Variants in KRIT1 observed in about 807,000 individuals in gnomAD.
KRIT1 encodes the protein krev interaction trapped protein 1.
In KRIT1, 45 loss-of-function variants were observed where a neutral mutation model predicts 95.8. The observed-to-expected ratio is 0.47, with a 90% CI of 0.37 to 0.60. The LOEUF (loss-of-function observed/expected upper bound fraction) is 0.60, where lower values mean the gene tolerates loss of function less well. Ranked by LOEUF, KRIT1 falls within the 20% of genes least tolerant of loss-of-function variation. KRIT1 has a pLI of 0.00. For synonymous variants in KRIT1, 282 were observed against 278.8 expected (o/e 1.01, Z -0.11); for missense variants, 788 against 877.5 (o/e 0.90, Z 1.29).
At position 92,221,993 on chromosome 7, in the gene KRIT1, A is replaced by G; in HGVS notation, c.1472T>C (p.Leu491Pro). Residue 491 changes from leucine (L) to proline (P), a missense_variant, in exon 14 of 19, where the codon CTT (leucine) becomes CCT (proline). Around this residue, in one of 3 missense-constraint regions of KRIT1, gnomAD observed 493 missense variants for 582.3 expected, o/e 0.85. Transcript: ENST00000394505. ...LQHVRDWPEI[L>P]AELTNLDPQR... is the part of the protein sequence containing the mutation. ...AGGATCCAGATTAGTCAATTCAGCA[A>G]GTATTTCTGGCCAGTCACGAACATG... is the stretch of plus-strand genomic sequence containing the variant. 1 of 1,613,640 alleles carries G rather than the reference A, an allele frequency of 6.2e-7. No individual in the cohort carries two copies. Among genetic ancestry groups the G allele is most frequent in the Non-Finnish European group, 8.5e-7 (1 of 1,179,572 alleles).
intron 10 of KRIT1, among the ~76,000 whole-genome samples, chr7:92,232,515 GAAAA>G (rs202080349): frequency 7.7e-6 from 1 of 129,558 alleles, no homozygotes; most frequent in Non-Finnish European, 1.7e-5. Flanking sequence ...ATTAGAGGGG[GAAAA>G]AAAAAAAAAC....
Position 92,234,399 on chromosome 7 carries a change from A to G in KRIT1, c.989+50T>C, listed in dbSNP as rs373251781. The G allele has an allele frequency of 2.4e-4, 318 of 1,340,382 alleles. 6 individuals are homozygous for G. The highest frequency in any genetic ancestry group is 2.5e-4 in the Non-Finnish European group (235 of 938,776). The allele number at this position is 1,340,382 out of a possible 1,614,324, so 83.0% of individuals were successfully genotyped here. On this transcript the variant is annotated intron_variant, in intron 10 of 18. Coordinates refer to ENST00000394505, the MANE Select transcript of KRIT1 (RefSeq NM_194454.3). Reference sequence around the variant, plus strand: ...CTTGAAAAGAAGGACTAACATTTATAATAAAAAATGTATTCTTTCTAAAAA... The same window carrying G: ...CTTGAAAAGAAGGACTAACATTTATGATAAAAAATGTATTCTTTCTAAAAA...
intron 17 of KRIT1, among the ~76,000 whole-genome samples, chr7:92,208,303 A>C (rs1203397107): frequency 6.6e-6 from 1 of 152,036 alleles, no homozygotes; most frequent in East Asian, 1.9e-4. Flanking sequence ...TAGAAAAGCA[A>C]GAAAAAACCA....
intron 12 of KRIT1, among the ~76,000 whole-genome samples, chr7:92,224,582 G>A (rs760018680): frequency 4.6e-5 from 7 of 152,000 alleles, no homozygotes; most frequent in Non-Finnish European, 7.4e-5. Context: ...ACTAATTTGA[G>A]CTTTATGCCT....
intron 2 of KRIT1, 143 bp from the exon 3 acceptor site, chr7:92,244,292 T>A (rs577883994): frequency 6.6e-6 from 1 of 152,262 alleles, no homozygotes; most frequent in African/African-American, 2.4e-5. Flanking sequence ...TTAAAGCAAA[T>A]CAATTCCTGT....
intron 6 of KRIT1, among the ~76,000 whole-genome samples, chr7:92,236,921 G>T (rs1255596752): frequency 6.6e-6 from 1 of 152,160 alleles, no homozygotes; most frequent in African/African-American, 2.4e-5. Flanking sequence ...GTAGCAGCAG[G>T]CTGATGGGAT....
At chr7:92,237,604 T>C in intron 6 of KRIT1, 63 bp downstream of exon 6, 2 of 898,236 alleles carry the variant, frequency 2.2e-6, no homozygotes, top group Non-Finnish European at 1.8e-6. Context: ...CTTAACTTCC[T>C]CAATAGACCT....
intron 7 of KRIT1, 61 bp downstream of exon 7, chr7:92,236,352 T>C (rs546259649): frequency 5.2e-6 from 6 of 1,146,094 alleles, no homozygotes; most frequent in Non-Finnish European, 7.9e-6. Context: ...CTATGACAAC[T>C]AATTTCTACT....
intron 15 of KRIT1, among the ~76,000 whole-genome samples, chr7:92,214,241 A>G (rs1793472190): frequency 6.6e-6 from 1 of 152,132 alleles, no homozygotes; most frequent in Non-Finnish European, 1.5e-5. Context: ...AGATATGCTT[A>G]AAACCTCAGT....
chr7:92,200,465 C>A lies in KRIT1; in HGVS notation c.*271G>T. 1 of 410,494 alleles carries A rather than the reference C, an allele frequency of 2.4e-6. No homozygotes were observed. Among genetic ancestry groups the A allele is most frequent in the Non-Finnish European group, 4.6e-6 (1 of 219,242 alleles). 25.4% of individuals were successfully genotyped at this position (410,494 alleles called of 1,614,324 possible). A position where few individuals can be genotyped will look rare whatever the true frequency, so the allele number is the denominator to read the frequency against. ...CACCTCCTGGGTTTAAGCGATCTCC[C>A]ACCTTGGCCTCCCTAGTAGCTAGGA... On this transcript the variant is annotated 3_prime_UTR_variant, in exon 19 of 19. Transcript: ENST00000394505.
At chr7:92,227,684 G>A (rs1247248582) in intron 10 of KRIT1, among the ~76,000 whole-genome samples, 1 of 150,286 alleles carries the variant, frequency 6.7e-6, no homozygotes. Flanking sequence ...ACAGGCATGC[G>A]CCACCACGCC....
intron 15 of KRIT1, 94 bp downstream of exon 15, chr7:92,214,517 A>G (rs903279687): frequency 2.3e-6 from 2 of 884,364 alleles, no homozygotes; most frequent in African/African-American, 3.4e-5. Context: ...AACCAATGTA[A>G]TGTATAAATA....
chr7:92,234,448 C>A lies in KRIT1; in HGVS notation c.989+1G>T. ...AAGAAAAGAATAAATATTCCATTTA[C>A]CAGCATGCATAATGAATGGGTGCCC... On this transcript the variant is annotated splice_donor_variant, in intron 10 of 18. Transcript: ENST00000394505. LOFTEE classifies it high-confidence loss of function. The A allele has an allele frequency of 6.3e-7, 1 of 1,594,298 alleles. No individual in the cohort carries two copies. Among genetic ancestry groups the A allele is most frequent in the Non-Finnish European group, 8.6e-7 (1 of 1,161,992 alleles).
chr7:92,226,493 A>C (rs1318222096), intron 11 of KRIT1, 33 bp downstream of exon 11: 41 of 1,526,126 alleles, frequency 2.7e-5, no homozygotes, highest in Non-Finnish European at 3.7e-5. Flanking sequence ...CACTGCTTGA[A>C]TATTATTTTT....
chr7:92,245,961 T>G (rs949650781), upstream of KRIT1: 1 of 241,812 alleles, frequency 4.1e-6, no homozygotes, highest in South Asian at 4.2e-5. Flanking sequence ...CGGTTGGCGG[T>G]GAAAGAGCTT....
chr7:92,244,350 C>G (rs1192145958), intron 2 of KRIT1, among the ~76,000 whole-genome samples: 2 of 152,184 alleles, frequency 1.3e-5, no homozygotes, highest in African/African-American at 4.8e-5. Context: ...AGTACTTTGT[C>G]AATACTCATC....
chr7:92,203,422 T>C (rs1029322097), intron 17 of KRIT1, among the ~76,000 whole-genome samples: 40 of 152,226 alleles, frequency 2.6e-4, no homozygotes, highest in African/African-American at 9.2e-4. Flanking sequence ...ACTAGATGGA[T>C]AGAAAATACC....
chr7:92,209,005 G>A (rs1369253108), intron 17 of KRIT1, among the ~76,000 whole-genome samples: 1 of 152,026 alleles, frequency 6.6e-6, no homozygotes, highest in Non-Finnish European at 1.5e-5. Flanking sequence ...ATGATCAAAT[G>A]GGATTTATGC....
intron 6 of KRIT1, 150 bp from the exon 7 acceptor site, chr7:92,236,692 T>C: frequency 6.5e-6 from 4 of 619,396 alleles, no homozygotes; most frequent in Non-Finnish European, 1.1e-5. Context: ...ATTCAAGTGA[T>C]GACTAGCTCT....
Sources: allele counts gnomAD v4.1 joint callset (sites outside exome capture counted in the v4.1 genomes callset), GRCh38; gene constraint gnomAD v4.1.1; regional missense constraint gnomAD v4.1.1; transcripts MANE v1.5; gene names NCBI Gene and HGNC (gene_info 2026-07-23, HGNC 2026-07-21).